The following EYS variants were observed in gnomAD, a reference collection of about 807,000 sequenced individuals.
EYS encodes protein eyes shut homolog.
EYS carries 250 observed loss-of-function variants against 282.1 expected under a neutral mutation model. The ratio of observed to expected loss-of-function variants is 0.89; its 90% CI spans 0.80 to 0.98. The LOEUF is 0.98. Among genes scored for constraint, EYS ranks in the 50% least tolerant of loss-of-function variants. The pLI is 0.00. For synonymous variants in EYS, 1,355 were observed against 1,282.9 expected (o/e 1.06, Z -1.20); for missense variants, 4,016 against 3,709.0 (o/e 1.08, Z -2.15).
At chr6:63,723,819 ATT>A (rs2149628383) in intron 42 of EYS, among the ~76,000 whole-genome samples, 1 of 147,668 alleles carries the variant, frequency 6.8e-6, no homozygotes, top group Admixed American at 6.8e-5. Flanking sequence ...TATTATTATT[ATT>A]ATTATTATTA....
chr6:64,347,142 C>T (rs1582634165), intron 29 of EYS, among the ~76,000 whole-genome samples: 1 of 151,278 alleles, frequency 6.6e-6, no homozygotes, highest in East Asian at 2.0e-4. Flanking sequence ...AATTTTTGCT[C>T]AAATAATAAA....
Position 65,268,759 on chromosome 6 carries a change from G to A in EYS, c.2023+27104C>T, listed in dbSNP as rs559915511. On this transcript the variant is annotated intron_variant, in intron 12 of 42. Transcript: ENST00000503581. ...GAAAGAAAAACTGCTAGAACTAAAC[G>A]CAAGAGGAATTGTTTTTTGTAACAT... Among the ~76,000 whole-genome samples the A allele has an allele frequency of 5.9e-5, 9 of 151,746 alleles. No homozygotes were observed. The South Asian group carries it at 6.2e-4, about 11-fold the overall frequency.
In EYS at chr6:64,230,714, G is replaced by A. The variant is rs779392354; in HGVS notation, c.6302C>T (p.Ser2101Phe). 6.4e-7 allele frequency: 1 copy of A among 1,551,596 alleles called. No individual in the cohort carries two copies. Among genetic ancestry groups the A allele is most frequent in the Non-Finnish European group, 8.7e-7 (1 of 1,146,894 alleles). ...TSVSPSVAAPSVCQQDVCHNG... is the reference protein window; with the variant it reads ...TSVSPSVAAPFVCQQDVCHNG... The stretch of plus-strand genomic sequence containing the variant: ...GTGGCATACATCCTGCTGGCACACA[G>A]AGGGTGCTGCAACAGAGGGGCTGAC... The change falls in exon 31 of 43, where the codon TCT (serine) becomes TTT (phenylalanine). Residue 2101 changes from serine (S) to phenylalanine (F), a missense_variant. Physicochemically the swap from Ser to Phe is radical, Grantham distance 155 (BLOSUM62 -2). Transcript: ENST00000503581.
rs111437163 is a variant in EYS, at chr6:65,095,119, C to T, written c.2024-37392G>A. Among the ~76,000 whole-genome samples the T allele has an allele frequency of 5.7e-3, 861 of 151,214 alleles. 8 individuals are homozygous for T. Among genetic ancestry groups the T allele is most frequent in the African/African-American group, 0.018 (748 of 41,410 alleles). ...GTATAAATTCCTAGAAACATACAAC[C>T]TACTAAGACTTATCGTGAAAAAAGA... On this transcript the variant is annotated intron_variant, in intron 12 of 42. Transcript: ENST00000503581.
At chr6:65,481,635 G>A (rs902427892) in intron 5 of EYS, among the ~76,000 whole-genome samples, 35 of 152,134 alleles carry the variant, frequency 2.3e-4, no homozygotes, top group East Asian at 7.7e-4. Context: ...TGCAAGCTCC[G>A]CCTCCCGGGT....
chr6:64,103,619 T>C (rs1772907932), intron 31 of EYS, among the ~76,000 whole-genome samples: 1 of 152,158 alleles, frequency 6.6e-6, no homozygotes, highest in Non-Finnish European at 1.5e-5. Flanking sequence ...AGGAGGATCA[T>C]AGATGGTGAT....
chr6:65,146,245 T>C (rs1764474970), intron 12 of EYS, among the ~76,000 whole-genome samples: 1 of 144,614 alleles, frequency 6.9e-6, no homozygotes, highest in Admixed American at 7.0e-5. Flanking sequence ...AAAACATTTT[T>C]CCCCCAAGGC....
intron 26 of EYS, among the ~76,000 whole-genome samples, chr6:64,584,892 T>C (rs909659789): frequency 1.3e-5 from 2 of 152,132 alleles, no homozygotes; most frequent in Non-Finnish European, 2.9e-5. Flanking sequence ...ATTTATAATT[T>C]TCTAATTTTG....
chr6:65,013,255 T>A (rs1463163117), intron 13 of EYS, among the ~76,000 whole-genome samples: 1 of 152,172 alleles, frequency 6.6e-6, no homozygotes, highest in Non-Finnish European at 1.5e-5. Flanking sequence ...TGAACAACAA[T>A]GTATATGAGA....
intron 31 of EYS, among the ~76,000 whole-genome samples, chr6:64,128,556 G>C (rs1773861391): frequency 6.6e-6 from 1 of 152,070 alleles, no homozygotes; most frequent in African/African-American, 2.4e-5. Context: ...AGACAGAAAT[G>C]TAAGGGCTGT....
intron 22 of EYS, among the ~76,000 whole-genome samples, chr6:64,784,066 G>A (rs1186674530): frequency 6.6e-6 from 1 of 151,794 alleles, no homozygotes; most frequent in Non-Finnish European, 1.5e-5. Context: ...CTTTTAATTG[G>A]TTACTATATG....
rs535838354 is a variant in EYS, at chr6:65,278,068, C to T, written c.2023+17795G>A. On this transcript the variant is annotated intron_variant, in intron 12 of 42. Coordinates refer to ENST00000503581, the MANE Select transcript of EYS (RefSeq NM_001142800.2). ...TTTTCTTTTCTTTTCTTTTTTTCTGCCTTCCGTCTTAAACTGAAAGATTGG... is the reference window on the plus strand; with the variant it reads ...TTTTCTTTTCTTTTCTTTTTTTCTGTCTTCCGTCTTAAACTGAAAGATTGG... Among the ~76,000 whole-genome samples, 35 of 4,236 alleles carry T rather than the reference C, an allele frequency of 8.3e-3. No homozygotes were observed. The South Asian group carries it at 0.19, about 23-fold the overall frequency. The allele number at this position is 4,236 out of a possible 152,430, so 2.8% of individuals were successfully genotyped here. A position where few individuals can be genotyped will look rare whatever the true frequency, so the allele number is the denominator to read the frequency against.
chr6:65,364,776 A>G (rs1194420198), intron 8 of EYS, among the ~76,000 whole-genome samples: 1 of 151,752 alleles, frequency 6.6e-6, no homozygotes, highest in Non-Finnish European at 1.5e-5. Context: ...CATGTATTAA[A>G]AACAAGTACT....
chr6:64,331,115 C>T (rs1039439857), intron 29 of EYS, among the ~76,000 whole-genome samples: 1 of 152,104 alleles, frequency 6.6e-6, no homozygotes, highest in Non-Finnish European at 1.5e-5. Flanking sequence ...GAACTTCGGC[C>T]CAAAGAGCTG....
intron 26 of EYS, among the ~76,000 whole-genome samples, chr6:64,551,171 C>T (rs1247098160): frequency 6.7e-6 from 1 of 148,728 alleles, no homozygotes; most frequent in Non-Finnish European, 1.5e-5. Flanking sequence ...TGTGTATATA[C>T]ATATATACAC....
rs1351275476 is a variant in EYS, at chr6:64,230,554, T to A, written c.6424+38A>T. 4 of 1,476,246 alleles carry A rather than the reference T, an allele frequency of 2.7e-6. No homozygotes were observed. The African/African-American group carries it at 4.2e-5, about 15-fold the overall frequency. 91.4% of individuals were successfully genotyped at this position (1,476,246 alleles called of 1,614,324 possible). ...TCCTGTCCATTCTCTGGAGAGGTTT[T>A]TAAAAAGAAATACAAAAGGGTAATG... is the stretch of plus-strand genomic sequence containing the variant. On this transcript the variant is annotated intron_variant, in intron 31 of 42. Transcript: ENST00000503581.
intron 2 of EYS, among the ~76,000 whole-genome samples, chr6:65,542,058 G>A (rs1189691805): frequency 6.6e-6 from 1 of 152,128 alleles, no homozygotes; most frequent in Non-Finnish European, 1.5e-5. Flanking sequence ...ATACATTAAT[G>A]TGCAAGGAAT....
chr6:65,003,555 G>A (rs1022424146), intron 13 of EYS, among the ~76,000 whole-genome samples: 8 of 146,806 alleles, frequency 5.4e-5, no homozygotes, highest in Non-Finnish European at 9.1e-5. Context: ...ACACCTATTC[G>A]CACACTCCCT....
Position 63,987,055 on chromosome 6 carries a change from C to A in EYS, c.6835-2452G>T, listed in dbSNP as rs377015509. Among the ~76,000 whole-genome samples, 10 of 151,722 alleles carry A rather than the reference C, an allele frequency of 6.6e-5. No individual in the cohort carries two copies. The South Asian group carries it at 1.7e-3, about 25-fold the overall frequency. On this transcript the variant is annotated intron_variant, in intron 34 of 42. Coordinates refer to ENST00000503581, the MANE Select transcript of EYS (RefSeq NM_001142800.2). ...TTGATCTACCTTTATTTGATCAATA[C>A]AACAGGGCCACATCTTACATGGGAT...
Sources: allele counts gnomAD v4.1 joint callset (sites outside exome capture counted in the v4.1 genomes callset), GRCh38; gene constraint gnomAD v4.1.1; transcripts MANE v1.5; gene names NCBI Gene and HGNC (gene_info 2026-07-23, HGNC 2026-07-21).